PACRG: variants seen among roughly 807,000 people sequenced by gnomAD.
The protein encoded by PACRG is parkin coregulated, also known as parkin coregulated gene protein.
A neutral mutation model predicts 29.7 loss-of-function variants in PACRG; 29 were observed. That is an observed-to-expected ratio of 0.98 (90% CI 0.73 to 1.33). The LOEUF (loss-of-function observed/expected upper bound fraction) is 1.33, where lower values mean the gene tolerates loss of function less well. Among genes scored for constraint, PACRG ranks in the 40% most tolerant of loss-of-function variants. The pLI is 0.00. For missense variants in PACRG, 279 were observed against 316.2 expected (o/e 0.88, Z 0.89); for synonymous variants, 116 against 118.7 (o/e 0.98, Z 0.15).
chr6:162,740,586 G>A lies in PACRG; in HGVS notation c.156+12195G>A, dbSNP rs541888665. Among the ~76,000 whole-genome samples the A allele has an allele frequency of 2.1e-5, 3 of 145,114 alleles. No homozygotes were observed. In the South Asian group the frequency reaches 7.0e-4, roughly 34 times the overall value. ...CTGCCTTTGGCCTCCCAAAGTGCTGGGATTACAGGCATGAGCCACTTTTTT... is the reference window on the plus strand; with the variant it reads ...CTGCCTTTGGCCTCCCAAAGTGCTGAGATTACAGGCATGAGCCACTTTTTT... On this transcript the variant is annotated intron_variant, in intron 1 of 4. Transcript: ENST00000366888.
chr6:163,033,839 G>A (rs1263929974), intron 2 of PACRG, among the ~76,000 whole-genome samples: 1 of 152,154 alleles, frequency 6.6e-6, no homozygotes, highest in Non-Finnish European at 1.5e-5. Context: ...CTGTAGCAAA[G>A]TTTAGAACTG....
intron 2 of PACRG, among the ~76,000 whole-genome samples, chr6:162,849,428 C>G (rs1216442260): frequency 4.6e-5 from 7 of 152,350 alleles, no homozygotes; most frequent in South Asian, 4.1e-4. Context: ...TTCCCAGTGC[C>G]TGCTGCTGAG....
Position 162,899,285 on chromosome 6 carries a change from C to T in PACRG, c.291+85004C>T, listed in dbSNP as rs2128054458. ...AGAGGGAGATGCAGTACACTCTCAC[C>T]AGGCAGTGTGAAGACAGGAGAGCTG... On this transcript the variant is annotated intron_variant, in intron 2 of 4. Transcript: ENST00000366888. Among the ~76,000 whole-genome samples, 2 of 152,214 alleles carry T rather than the reference C, an allele frequency of 1.3e-5. 1 individual carries two copies. The highest frequency in any genetic ancestry group is 4.1e-4 in the South Asian group (2 of 4,824).
intron 2 of PACRG, among the ~76,000 whole-genome samples, chr6:163,009,807 C>T (rs1805448681): frequency 6.6e-6 from 1 of 152,170 alleles, no homozygotes; most frequent in South Asian, 2.1e-4. Context: ...TAAACTTACA[C>T]TTAAAAGGCT....
At chr6:163,219,586 C>T (rs893984984) in intron 4 of PACRG, among the ~76,000 whole-genome samples, 3 of 152,220 alleles carry the variant, frequency 2.0e-5, no homozygotes, top group Admixed American at 2.0e-4. Flanking sequence ...AGAGTAAAAT[C>T]CTCCTCCCCA....
intron 2 of PACRG, among the ~76,000 whole-genome samples, chr6:163,022,847 C>G (rs1368820154): frequency 6.6e-6 from 1 of 152,166 alleles, no homozygotes; most frequent in African/African-American, 2.4e-5. Context: ...TCCTGCTTCT[C>G]TTTCTTTGAG....
At chr6:163,149,280 GC>G (rs1777970835) in intron 4 of PACRG, among the ~76,000 whole-genome samples, 1 of 151,972 alleles carries the variant, frequency 6.6e-6, no homozygotes, top group Non-Finnish European at 1.5e-5. Flanking sequence ...CCAGGCCCCG[GC>G]CCTCCCCAGG....
At chr6:163,061,760 C>T (rs1415454057) in intron 2 of PACRG, among the ~76,000 whole-genome samples, 1 of 152,210 alleles carries the variant, frequency 6.6e-6, no homozygotes, top group Non-Finnish European at 1.5e-5. Flanking sequence ...CAATCTTTTT[C>T]AGCTGTTTTT....
chr6:162,737,613 A>G (rs1362452090), intron 1 of PACRG, among the ~76,000 whole-genome samples: 2 of 152,174 alleles, frequency 1.3e-5, no homozygotes, highest in Admixed American at 1.3e-4. Context: ...GTGGTAATTA[A>G]ACCACAACTT....
chr6:162,811,702 A>G (rs1786884250), intron 1 of PACRG, among the ~76,000 whole-genome samples: 1 of 152,210 alleles, frequency 6.6e-6, no homozygotes, highest in South Asian at 2.1e-4. Flanking sequence ...GAAGTAATCC[A>G]TATGACCTTT....
At chr6:163,090,440 G>A (rs1813995224) in intron 4 of PACRG, 1 of 152,160 alleles carries the variant, frequency 6.6e-6, no homozygotes, top group Non-Finnish European at 1.5e-5. Flanking sequence ...CTGTAATGGA[G>A]TGCTTGCAAT....
intron 4 of PACRG, among the ~76,000 whole-genome samples, chr6:163,247,690 A>G (rs906181332): frequency 1.3e-5 from 2 of 151,476 alleles, no homozygotes; most frequent in African/African-American, 2.4e-5. Context: ...TTCTATTAGG[A>G]CCCCCCTCCA....
chr6:163,131,965 A>G lies in PACRG; in HGVS notation c.613+42557A>G, dbSNP rs143844664. Among the ~76,000 whole-genome samples the G allele has an allele frequency of 5.4e-3, 826 of 152,318 alleles. 6 individuals are homozygous for G. Among genetic ancestry groups the G allele is most frequent in the African/African-American group, 0.019 (788 of 41,570 alleles). On this transcript the variant is annotated intron_variant, in intron 4 of 4. Transcript: ENST00000366888. Reference sequence around the variant, plus strand: ...AGACCCAAACTTAGTCATAAGTAACATGGCTCATCTTCAAACTACTGCGTA... The same window carrying G: ...AGACCCAAACTTAGTCATAAGTAACGTGGCTCATCTTCAAACTACTGCGTA...
At position 163,243,715 on chromosome 6, in the gene PACRG, C is replaced by G. The variant is rs575586782; in HGVS notation, c.614-71112C>G. ...CTGAAGATGCTTAGAGTCTAAAAAA[C>G]TTGAGTGAAACCCTGAAACACTAAC... is the stretch of plus-strand genomic sequence containing the variant. On this transcript the variant is annotated intron_variant, in intron 4 of 4. Transcript: ENST00000366888. 2.6e-5 allele frequency among the ~76,000 whole-genome samples: 4 copies of G among 152,306 alleles called. No individual in the cohort carries two copies. In the South Asian group the frequency reaches 6.2e-4, roughly 24 times the overall value.
At chr6:162,999,266 C>T (rs1804366761) in intron 2 of PACRG, among the ~76,000 whole-genome samples, 1 of 152,224 alleles carries the variant, frequency 6.6e-6, no homozygotes, top group Admixed American at 6.5e-5. Context: ...TCGTTCCTCT[C>T]ATTAGAACTA....
intron 4 of PACRG, among the ~76,000 whole-genome samples, chr6:163,212,497 G>A (rs1188725412): frequency 6.6e-6 from 1 of 152,134 alleles, no homozygotes; most frequent in Non-Finnish European, 1.5e-5. Flanking sequence ...GAAAGAAAAT[G>A]CTTAAAGAGC....
chr6:162,938,708 G>C (rs1256815704), intron 2 of PACRG, among the ~76,000 whole-genome samples: 1 of 152,094 alleles, frequency 6.6e-6, no homozygotes, highest in African/African-American at 2.4e-5. Context: ...CAGGAGTAAG[G>C]TGGCATTGCA....
At chr6:163,140,898 C>T (rs1486068689) in intron 4 of PACRG, among the ~76,000 whole-genome samples, 1 of 152,080 alleles carries the variant, frequency 6.6e-6, no homozygotes, top group Non-Finnish European at 1.5e-5. Context: ...AAATAAGAAG[C>T]TGCCCAGGGA....
chr6:163,026,662 G>T (rs1001102572), intron 2 of PACRG, among the ~76,000 whole-genome samples: 1 of 152,182 alleles, frequency 6.6e-6, no homozygotes, highest in Non-Finnish European at 1.5e-5. Context: ...ATTAACTTGT[G>T]TTCTCCATTT....
Sources: gnomAD v4.1 joint callset for allele counts (sites outside exome capture counted in the v4.1 genomes callset) on GRCh38, gnomAD v4.1.1 for gene constraint, MANE v1.5 for transcripts, NCBI Gene and HGNC (gene_info 2026-07-23, HGNC 2026-07-21) for gene names.